The following HMGCLL1 variants were observed in gnomAD, a reference collection of about 807,000 sequenced individuals.
HMGCLL1 encodes the protein 3-hydroxymethyl-3-methylglutaryl-CoA lyase, cytoplasmic.
Under a neutral mutation model 39.1 loss-of-function variants are expected in HMGCLL1, and 36 were observed. The ratio of observed to expected loss-of-function variants is 0.92; its 90% CI spans 0.71 to 1.22. The LOEUF is 1.22. HMGCLL1 is among the 50% of genes most tolerant of loss of function. The pLI, the probability that HMGCLL1 is intolerant of heterozygous loss-of-function variation, is 0.00. For missense variants in HMGCLL1, 451 were observed against 416.5 expected (o/e 1.08, Z -0.72); for synonymous variants, 149 against 144.0 (o/e 1.03, Z -0.25).
At chr6:55,469,282 T>A (rs1316662203) in intron 7 of HMGCLL1, among the ~76,000 whole-genome samples, 4 of 150,866 alleles carry the variant, frequency 2.7e-5, no homozygotes, top group Middle Eastern at 3.4e-3. Context: ...AAGTACAATT[T>A]TTTTTGCTTC....
chr6:55,590,162 G>A, the HMGCLL1 span, among the ~76,000 whole-genome samples: 1 of 152,010 alleles, frequency 6.6e-6, no homozygotes, highest in Non-Finnish European at 1.5e-5. Flanking sequence ...ATACTACAAG[G>A]CTACAGTAAC....
chr6:55,525,348 T>A (rs990534917), intron 3 of HMGCLL1, among the ~76,000 whole-genome samples: 2 of 151,982 alleles, frequency 1.3e-5, no homozygotes, highest in African/African-American at 4.8e-5. Context: ...TGGTAGGATA[T>A]GAAATTAGGT....
chr6:55,613,980 T>C, the HMGCLL1 span, among the ~76,000 whole-genome samples: 1 of 152,154 alleles, frequency 6.6e-6, no homozygotes, highest in African/African-American at 2.4e-5. Flanking sequence ...TCTGTTTTAA[T>C]GAATAAAACT....
chr6:55,579,090 G>A lies in HMGCLL1; in HGVS notation c.-35C>T. ...TGGGGCGGCAGTCGGCGAGGGGAGG[G>A]AGACTGGAGGAGGATGAGGGGCGGG... On this transcript the variant is annotated 5_prime_UTR_variant, in exon 1 of 9. Coordinates refer to ENST00000274901, the MANE Select transcript of HMGCLL1 (RefSeq NM_001042406.2). The A allele has an allele frequency of 1.3e-6, 2 of 1,495,668 alleles. No homozygotes were observed. The highest frequency in any genetic ancestry group is 1.8e-6 in the Non-Finnish European group (2 of 1,084,812). The allele number at this position is 1,495,668 out of a possible 1,614,324, so 92.6% of individuals were successfully genotyped here.
chr6:55,460,259 T>C (rs1051588625), intron 7 of HMGCLL1, among the ~76,000 whole-genome samples: 2 of 151,982 alleles, frequency 1.3e-5, no homozygotes, highest in African/African-American at 4.8e-5. Flanking sequence ...TGAAGTACCA[T>C]AAAGTATAGC....
At chr6:55,513,556 AG>A (rs1561928426) in intron 5 of HMGCLL1, 1 of 154,106 alleles carries the variant, frequency 6.5e-6, no homozygotes, top group Admixed American at 6.5e-5. Flanking sequence ...TCAGCCATTG[AG>A]GGGGAGAAAG....
chr6:55,628,205 C>CTATATATATAATATATAT, the HMGCLL1 span, among the ~76,000 whole-genome samples: 1 of 60,982 alleles, frequency 1.6e-5, no homozygotes, highest in African/African-American at 6.2e-5. Flanking sequence ...TATAGTATAT[C>CTATATATATAATATATAT]CTATCAGTTC....
the HMGCLL1 span, among the ~76,000 whole-genome samples, chr6:55,655,879 C>T: frequency 2.6e-5 from 4 of 152,068 alleles, no homozygotes; most frequent in African/African-American, 7.2e-5. Flanking sequence ...ACATTATCCC[C>T]TCCTAATTTA....
chr6:55,639,833 C>A, the HMGCLL1 span, among the ~76,000 whole-genome samples: 2 of 152,042 alleles, frequency 1.3e-5, no homozygotes, highest in South Asian at 2.1e-4. Flanking sequence ...AATCCCAACA[C>A]TTTAGGAGGC....
intron 5 of HMGCLL1, among the ~76,000 whole-genome samples, chr6:55,509,114 G>A (rs116336466): frequency 5.3e-4 from 81 of 151,868 alleles, no homozygotes; most frequent in African/African-American, 1.8e-3. Context: ...ATGTATGAAA[G>A]AAAATAGCTT....
chr6:55,648,463 CG>C, the HMGCLL1 span, among the ~76,000 whole-genome samples: 1 of 94,436 alleles, frequency 1.1e-5, no homozygotes, highest in African/African-American at 4.7e-5. Flanking sequence ...ATTGATAGAC[CG>C]CTAGCAAGAC....
At chr6:55,448,112 T>A (rs1763933346) in intron 7 of HMGCLL1, among the ~76,000 whole-genome samples, 1 of 152,072 alleles carries the variant, frequency 6.6e-6, no homozygotes, top group Admixed American at 6.6e-5. Flanking sequence ...GTGATTGTAT[T>A]TCTAGGAAGC....
chr6:55,592,149 A>T, the HMGCLL1 span, among the ~76,000 whole-genome samples: 1 of 152,014 alleles, frequency 6.6e-6, no homozygotes, highest in Non-Finnish European at 1.5e-5. Context: ...CAACAGGCCT[A>T]AAGCAATATT....
chr6:55,469,370 CACATACATATATACACATATAT>C (rs1191090680), intron 7 of HMGCLL1, among the ~76,000 whole-genome samples: 1 of 147,270 alleles, frequency 6.8e-6, no homozygotes, highest in Non-Finnish European at 1.5e-5. Flanking sequence ...TATATATGTA[CACATACATATATACACATATAT>C]ACATATATAT....
chr6:55,493,759 G>A (rs1403275212), intron 7 of HMGCLL1, among the ~76,000 whole-genome samples: 2 of 151,076 alleles, frequency 1.3e-5, no homozygotes, highest in African/African-American at 4.9e-5. Context: ...TTGAGAAGGA[G>A]TCTTGCTCTG....
intron 3 of HMGCLL1, among the ~76,000 whole-genome samples, chr6:55,529,813 T>C (rs1480927000): frequency 6.6e-6 from 1 of 152,160 alleles, no homozygotes; most frequent in Non-Finnish European, 1.5e-5. Flanking sequence ...TAGCAACTAC[T>C]TATTATTCAA....
the HMGCLL1 span, among the ~76,000 whole-genome samples, chr6:55,615,642 A>G: frequency 2.0e-5 from 3 of 152,172 alleles, no homozygotes; most frequent in Non-Finnish European, 2.9e-5. Context: ...TCATGAAAAG[A>G]TTTACCTATA....
intron 7 of HMGCLL1, among the ~76,000 whole-genome samples, chr6:55,461,863 G>T (rs1764581070): frequency 1.3e-5 from 2 of 152,090 alleles, no homozygotes; most frequent in South Asian, 2.1e-4. Flanking sequence ...ATAGCACCTT[G>T]CTAATGAAAA....
the HMGCLL1 span, among the ~76,000 whole-genome samples, chr6:55,654,948 G>A: frequency 6.6e-6 from 1 of 151,840 alleles, no homozygotes; most frequent in African/African-American, 2.4e-5. Flanking sequence ...GAATTCCATT[G>A]AAAAATCCCA....
Sources: allele counts gnomAD v4.1 joint callset (sites outside exome capture counted in the v4.1 genomes callset), GRCh38; gene constraint gnomAD v4.1.1; transcripts MANE v1.5; gene names NCBI Gene and HGNC (gene_info 2026-07-23, HGNC 2026-07-21).